Variants in TEX14 observed in about 807,000 individuals in gnomAD.
TEX14 encodes inactive serine/threonine-protein kinase TEX14.
Under a neutral mutation model 178.6 loss-of-function variants are expected in TEX14, and 168 were observed. The ratio of observed to expected loss-of-function variants is 0.94; its 90% CI spans 0.83 to 1.07. The LOEUF is 1.07. TEX14 is among the 50% of genes least tolerant of loss of function. The pLI, the probability that TEX14 is intolerant of heterozygous loss-of-function variation, is 0.00. For synonymous variants in TEX14, 626 were observed against 634.1 expected (o/e 0.99, Z 0.19); for missense variants, 1,730 against 1,753.6 (o/e 0.99, Z 0.24).
chr17:58,656,458 A>G (rs1478254725), intron 1 of TEX14, among the ~76,000 whole-genome samples: 1 of 150,644 alleles, frequency 6.6e-6, no homozygotes, highest in Non-Finnish European at 1.5e-5. Context: ...AAAACAAAAC[A>G]AAACAAAAAC....
intron 23 of TEX14, among the ~76,000 whole-genome samples, chr17:58,572,654 T>C (rs994964551): frequency 1.3e-5 from 2 of 150,552 alleles, no homozygotes; most frequent in Non-Finnish European, 3.0e-5. Context: ...AAAAAAAAAT[T>C]ACTGAAACAA....
chr17:58,613,960 C>T (rs1193587421), intron 8 of TEX14, among the ~76,000 whole-genome samples: 1 of 151,846 alleles, frequency 6.6e-6, no homozygotes, highest in Non-Finnish European at 1.5e-5. Flanking sequence ...AGCCATTGGG[C>T]GTGGCCTTTT....
At chr17:58,634,084 A>T (rs9903933) in intron 2 of TEX14, among the ~76,000 whole-genome samples, 88 of 152,168 alleles carry the variant, frequency 5.8e-4, no homozygotes, top group African/African-American at 2.0e-3. Flanking sequence ...AAAAAGAAGG[A>T]TCAGTCAACA....
chr17:58,675,929 A>G (rs1028772021), intron 1 of TEX14, among the ~76,000 whole-genome samples: 1 of 152,134 alleles, frequency 6.6e-6, no homozygotes, highest in Non-Finnish European at 1.5e-5. Flanking sequence ...AGTAGTATGT[A>G]AGCTTTTCCC....
In TEX14 at chr17:58,563,792, A is replaced by G. The variant is rs907152169; in HGVS notation, c.4064+1077T>C. The stretch of plus-strand genomic sequence containing the variant: ...AGATCATACATATATGTATACATAT[A>G]TATGTATACACACACACAGACACAC... On this transcript the variant is annotated intron_variant, in intron 28 of 31. Coordinates refer to ENST00000349033, the MANE Select transcript of TEX14 (RefSeq NM_031272.5). Among the ~76,000 whole-genome samples, 4 of 144,690 alleles carry G rather than the reference A, an allele frequency of 2.8e-5. No homozygotes were observed. The East Asian group carries it at 8.0e-4, about 29-fold the overall frequency. 94.9% of individuals were successfully genotyped at this position (144,690 alleles called of 152,430 possible).
Position 58,572,229 on chromosome 17 carries a change from C to T in TEX14, c.3512-103G>A, listed in dbSNP as rs2044549203. On this transcript the variant is annotated intron_variant, in intron 23 of 31. Transcript: ENST00000349033. ...GTTTTTTCTGCCCCAATATGATGTG[C>T]AGAAATGAATCTTTTACATTATTAA... is the stretch of plus-strand genomic sequence containing the variant. 5 of 704,412 alleles carry T rather than the reference C, an allele frequency of 7.1e-6. No homozygotes were observed. The South Asian group carries it at 9.4e-5, about 13-fold the overall frequency. The allele number at this position is 704,412 out of a possible 1,614,324, so 43.6% of individuals were successfully genotyped here. A position where few individuals can be genotyped will look rare whatever the true frequency, so the allele number is the denominator to read the frequency against.
chr17:58,691,014 C>T (rs3760176), intron 1 of TEX14, among the ~76,000 whole-genome samples: 20 of 152,024 alleles, frequency 1.3e-4, no homozygotes, highest in African/African-American at 1.4e-4. Flanking sequence ...CCACCATGCC[C>T]GGCTAATTTT....
In TEX14 at chr17:58,617,393, T is replaced by C. The variant is rs191589471; in HGVS notation, c.636+145A>G. 4.8e-4 allele frequency: 285 copies of C among 595,558 alleles called. 4 individuals are homozygous for C. In the East Asian group the frequency reaches 7.5e-3, roughly 16 times the overall value. 36.9% of individuals were successfully genotyped at this position (595,558 alleles called of 1,614,324 possible). A position where few individuals can be genotyped will look rare whatever the true frequency, so the allele number is the denominator to read the frequency against. Reference sequence around the variant, plus strand: ...TTAGTAAGACAGGAACACTAAGAGATACCTTTCCCTCAATAGGGGCAAAAA... The same window carrying C: ...TTAGTAAGACAGGAACACTAAGAGACACCTTTCCCTCAATAGGGGCAAAAA... On this transcript the variant is annotated intron_variant, in intron 6 of 31. Coordinates refer to ENST00000349033, the MANE Select transcript of TEX14 (RefSeq NM_031272.5).
At chr17:58,630,345 C>A in intron 3 of TEX14, 95 bp downstream of exon 3, 1 of 937,096 alleles carries the variant, frequency 1.1e-6, no homozygotes, top group Admixed American at 2.1e-5. Flanking sequence ...TATGAGACAC[C>A]GCACCCGGCC....
At chr17:58,649,492 T>C (rs1160339384) in intron 2 of TEX14, among the ~76,000 whole-genome samples, 2 of 152,162 alleles carry the variant, frequency 1.3e-5, no homozygotes, top group East Asian at 1.9e-4. Flanking sequence ...AGGCTTCAGA[T>C]AGAATTCCCA....
chr17:58,676,735 C>G (rs2047401157), intron 1 of TEX14, among the ~76,000 whole-genome samples: 1 of 152,116 alleles, frequency 6.6e-6, no homozygotes. Context: ...TTTGTAATCC[C>G]AGCACCTTGA....
In TEX14 at chr17:58,624,576, C is replaced by A. The variant is rs560333327; in HGVS notation, c.252-1564G>T. 5.9e-5 allele frequency among the ~76,000 whole-genome samples: 9 copies of A among 151,604 alleles called. No homozygotes were observed. The South Asian group carries it at 1.9e-3, about 32-fold the overall frequency. On this transcript the variant is annotated intron_variant, in intron 3 of 31. Transcript: ENST00000349033. ...AGGCTGGTCTCGAACTCCTGACCTC[C>A]GGTGATCTACCCACCTCAGCCTCCC...
At chr17:58,590,214 T>C (rs1222577324) in intron 15 of TEX14, among the ~76,000 whole-genome samples, 1 of 148,544 alleles carries the variant, frequency 6.7e-6, no homozygotes, top group African/African-American at 2.5e-5. Flanking sequence ...TGAGCCGAGT[T>C]TGCGCCACTG....
intron 23 of TEX14, among the ~76,000 whole-genome samples, chr17:58,572,337 T>C (rs1019115783): frequency 6.6e-6 from 1 of 152,018 alleles, no homozygotes; most frequent in Non-Finnish European, 1.5e-5. Flanking sequence ...AAATTGTTAA[T>C]AACTGAAATA....
intron 1 of TEX14, among the ~76,000 whole-genome samples, chr17:58,657,163 TCTCA>T (rs1298199225): frequency 1.3e-5 from 2 of 151,920 alleles, no homozygotes; most frequent in Admixed American, 1.3e-4. Flanking sequence ...AGAGATGAGG[TCTCA>T]CTATGTTGCC....
chr17:58,634,840 T>C (rs1444177899), intron 2 of TEX14, among the ~76,000 whole-genome samples: 1 of 151,968 alleles, frequency 6.6e-6, no homozygotes, highest in Non-Finnish European at 1.5e-5. Context: ...ATAATAAAAA[T>C]AATGTCTCCA....
At chr17:58,606,979 C>T (rs963335187) in intron 10 of TEX14, among the ~76,000 whole-genome samples, 6 of 141,022 alleles carry the variant, frequency 4.3e-5, no homozygotes, top group Non-Finnish European at 6.0e-5. Context: ...GAGCCGAGAT[C>T]GCACCACTGC....
At chr17:58,625,400 G>C (rs903883515) in intron 3 of TEX14, among the ~76,000 whole-genome samples, 14 of 152,172 alleles carry the variant, frequency 9.2e-5, no homozygotes, top group African/African-American at 3.4e-4. Context: ...CTCCCAAAGT[G>C]CTGGGATTAC....
intron 1 of TEX14, among the ~76,000 whole-genome samples, chr17:58,684,331 G>C (rs893431026): frequency 4.6e-5 from 7 of 151,838 alleles, no homozygotes; most frequent in African/African-American, 1.7e-4. Context: ...GCATGGTGGT[G>C]GGTGCCTGTA....
Sources: gnomAD v4.1 joint callset for allele counts (sites outside exome capture counted in the v4.1 genomes callset) on GRCh38, gnomAD v4.1.1 for gene constraint, MANE v1.5 for transcripts, NCBI Gene and HGNC (gene_info 2026-07-23, HGNC 2026-07-21) for gene names.